Variants in CACNA1C observed in about 807,000 individuals in gnomAD.
CACNA1C encodes the protein calcium voltage-gated channel subunit alpha1 C.
In CACNA1C, 30 loss-of-function variants were observed where a neutral mutation model predicts 229.0. That is an observed-to-expected ratio of 0.13 (90% CI 0.10 to 0.18). The LOEUF is 0.18. CACNA1C is among the 10% of genes least tolerant of loss of function. The probability of loss-of-function intolerance (pLI) is 1.00; values close to 1 mark genes in which losing one functional copy is unlikely to be tolerated. For synonymous variants in CACNA1C, 1,114 were observed against 1,132.5 expected, an observed-to-expected ratio of 0.98 and a Z score of 0.33; for missense variants, 1,658 against 2,845.0, an observed-to-expected ratio of 0.58 and a Z score of 9.49.
intron 3 of CACNA1C, among the ~76,000 whole-genome samples, chr12:2,189,431 G>A (rs959237617): frequency 6.6e-6 from 1 of 152,196 alleles, no homozygotes; most frequent in Non-Finnish European, 1.5e-5. Context: ...AACCTTGCAC[G>A]CTGCGGGAGC....
rs1474150842 is a variant in CACNA1C, at chr12:2,595,967, T to C, written c.2757T>C (p.Ala919=). Residue 919 remains alanine (A), a synonymous_variant, in exon 20 of 47, where the codon GCT becomes GCC. Coordinates refer to ENST00000399655, the MANE Select transcript of CACNA1C (RefSeq NM_000719.7). The surrounding 1 kb of genome is among the most constrained non-coding windows in gnomAD (Gnocchi z 4.1). ...TGCTCAGCAGCATTTCCCTGGCTGC[T>C]GAGGACCCGGTCCAGCACACCTCCT... ...FILLSSISLA[A]EDPVQHTSFR... is the part of the protein sequence containing the mutation. 2.5e-6 allele frequency: 4 copies of C among 1,613,580 alleles called. No individual in the cohort carries two copies. Among genetic ancestry groups the C allele is most frequent in the African/African-American group, 1.3e-5 (1 of 74,916 alleles).
intron 4 of CACNA1C, among the ~76,000 whole-genome samples, chr12:2,453,672 C>T (rs1443228153): frequency 6.6e-6 from 1 of 152,158 alleles, no homozygotes; most frequent in Non-Finnish European, 1.5e-5. Flanking sequence ...TCTCACCACC[C>T]CGCTGCAGAA....
At chr12:2,004,017 C>T in intron 1 of CACNA1C, among the ~76,000 whole-genome samples, 1 of 152,142 alleles carries the variant, frequency 6.6e-6, no homozygotes. Flanking sequence ...CTTATGGTGC[C>T]GTACCCGATC....
At position 2,602,229 on chromosome 12, in the gene CACNA1C, G is replaced by A. The variant is rs538203345; in HGVS notation, c.2960+269G>A. On this transcript the variant is annotated intron_variant, in intron 22 of 46. Transcript: ENST00000399655. This position sits in a 1 kb window ranked among gnomAD's most constrained non-coding sequence, Gnocchi z 4.4. The stretch of plus-strand genomic sequence containing the variant: ...GGGCCAGGCTCAGCTATTAAGAAAC[G>A]GTTGTCTCCAGGACCTTCCTGCCTC... Among the ~76,000 whole-genome samples the A allele has an allele frequency of 5.5e-4, 83 of 152,276 alleles. No homozygotes were observed. The highest frequency in any genetic ancestry group is 8.5e-4 in the Admixed American group (13 of 15,304).
In CACNA1C at chr12:2,053,434, C is replaced by G; in HGVS notation, c.-129C>G. On this transcript the variant is annotated 5_prime_UTR_variant, in exon 1 of 47. Coordinates refer to ENST00000399655, the MANE Select transcript of CACNA1C (RefSeq NM_000719.7). This position sits in a 1 kb window ranked among gnomAD's most constrained non-coding sequence, Gnocchi z 5.8. The stretch of plus-strand genomic sequence containing the variant: ...GCGGGGAAGAAGAAACGCTGCAGAC[C>G]ACGGCTTCCTCGAATCTTGCGCGAA... The G allele has an allele frequency of 6.9e-7, 1 of 1,451,550 alleles. No individual in the cohort carries two copies. Among genetic ancestry groups the G allele is most frequent in the Non-Finnish European group, 9.1e-7 (1 of 1,094,400 alleles). 89.9% of individuals were successfully genotyped at this position (1,451,550 alleles called of 1,614,324 possible). A position where few individuals can be genotyped will look rare whatever the true frequency, so the allele number is the denominator to read the frequency against.
chr12:2,574,469 CCT>C (rs2057618773), intron 13 of CACNA1C, among the ~76,000 whole-genome samples: 1 of 152,156 alleles, frequency 6.6e-6, no homozygotes, highest in South Asian at 2.1e-4. Flanking sequence ...TGCTGTTTCC[CCT>C]CTCACACCTT....
intron 29 of CACNA1C, among the ~76,000 whole-genome samples, chr12:2,622,276 G>A (rs1454285938): frequency 6.6e-6 from 1 of 152,214 alleles, no homozygotes; most frequent in Non-Finnish European, 1.5e-5. Flanking sequence ...AGGCCAGTGT[G>A]TGCAGGCCCT....
At chr12:2,374,912 A>G (rs979903195) in intron 3 of CACNA1C, among the ~76,000 whole-genome samples, 2 of 152,168 alleles carry the variant, frequency 1.3e-5, no homozygotes, top group African/African-American at 4.8e-5. Context: ...GTGGCTTCAC[A>G]TCGGGATCTG....
rs374605534 is a variant in CACNA1C, at chr12:2,403,203, G to C, written c.478-45773G>C. ...AACAGCCTTCATTCTTTTCCAACTA[G>C]TGTCTCGCTGCCCTGCCCCAAAATC... On this transcript the variant is annotated intron_variant, in intron 3 of 46. Coordinates refer to ENST00000399655, the MANE Select transcript of CACNA1C (RefSeq NM_000719.7). This position sits in a 1 kb window ranked among gnomAD's most constrained non-coding sequence, Gnocchi z 4.1. 5.6e-4 allele frequency among the ~76,000 whole-genome samples: 86 copies of C among 152,322 alleles called. No individual in the cohort carries two copies. In the South Asian group the frequency reaches 0.017, roughly 31 times the overall value.
At chr12:2,532,089 TACTC>T (rs975138417) in intron 9 of CACNA1C, among the ~76,000 whole-genome samples, 6 of 152,206 alleles carry the variant, frequency 3.9e-5, no homozygotes, top group African/African-American at 1.4e-4. Context: ...CATGGTTAAT[TACTC>T]ACACTAATTG....
chr12:2,212,838 C>T (rs1204171387), intron 3 of CACNA1C, among the ~76,000 whole-genome samples: 1 of 152,066 alleles, frequency 6.6e-6, no homozygotes, highest in African/African-American at 2.4e-5. Context: ...GAGGGATGGA[C>T]AAAGGAAGCA....
Position 2,605,555 on chromosome 12 carries a change from T to C in CACNA1C, c.3049-124T>C. The C allele has an allele frequency of 1.4e-6, 1 of 719,300 alleles. No individual in the cohort carries two copies. The highest frequency in any genetic ancestry group is 1.5e-5 in the South Asian group (1 of 66,214). 44.6% of individuals were successfully genotyped at this position (719,300 alleles called of 1,614,324 possible). On this transcript the variant is annotated intron_variant, in intron 23 of 46. Coordinates refer to ENST00000399655, the MANE Select transcript of CACNA1C (RefSeq NM_000719.7). The surrounding 1 kb of genome is among the most constrained non-coding windows in gnomAD (Gnocchi z 6.2). ...CACTTCCCATGTGACTTTGGGAGCG[T>C]GGCTTTGCCCCTCTCAGCCCAATTA...
At chr12:2,631,116 CT>C (rs1181704602) in intron 29 of CACNA1C, among the ~76,000 whole-genome samples, 11 of 152,186 alleles carry the variant, frequency 7.2e-5, no homozygotes, top group Admixed American at 4.6e-4. Flanking sequence ...AACACCAAAC[CT>C]TTGCTCTGTT....
At chr12:2,406,519 C>T (rs561359586) in intron 3 of CACNA1C, among the ~76,000 whole-genome samples, 8 of 152,242 alleles carry the variant, frequency 5.3e-5, no homozygotes, top group East Asian at 1.9e-4. Context: ...TTCCTTCCTT[C>T]GTTGTCTATA....
chr12:2,110,233 G>A (rs2081128076), intron 1 of CACNA1C, among the ~76,000 whole-genome samples: 1 of 152,212 alleles, frequency 6.6e-6, no homozygotes, highest in Non-Finnish European at 1.5e-5. Context: ...CCTCATCCTG[G>A]TCCCCAGCAG....
Position 2,606,803 on chromosome 12 carries a change from G to A in CACNA1C, c.3209+140G>A, listed in dbSNP as rs191549238. 24 of 940,474 alleles carry A rather than the reference G, an allele frequency of 2.6e-5. No homozygotes were observed. In the East Asian group the frequency reaches 4.5e-4, roughly 18 times the overall value. 58.3% of individuals were successfully genotyped at this position (940,474 alleles called of 1,614,324 possible). ...CTGCCTGTGTGTCATCTGGCCTCAC[G>A]GACACAATGTGTAGCATTTTTTGTT... On this transcript the variant is annotated intron_variant, in intron 25 of 46. Transcript: ENST00000399655.
At chr12:2,276,831 C>T (rs534062120) in intron 3 of CACNA1C, among the ~76,000 whole-genome samples, 16 of 151,988 alleles carry the variant, frequency 1.1e-4, no homozygotes, top group East Asian at 3.9e-4. Flanking sequence ...GGTGGGGTAG[C>T]GGGGTAGGGT....
intron 10 of CACNA1C, 132 bp downstream of exon 10, chr12:2,550,165 ACCTCAGGTGGGAAC>A (rs760080463): frequency 1.1e-5 from 8 of 725,168 alleles, no homozygotes; most frequent in Middle Eastern, 3.1e-4. Context: ...CAAGAAACAA[ACCTCAGGTGGGAAC>A]CAAGATGGGG....
Position 2,687,280 on chromosome 12 carries a change from C to T in CACNA1C, c.5784+1011C>T, listed in dbSNP as rs540363198. Among the ~76,000 whole-genome samples the T allele has an allele frequency of 4.6e-5, 7 of 152,320 alleles. No homozygotes were observed. The East Asian group carries it at 9.6e-4, about 21-fold the overall frequency. ...GCTATCTTAAAAGATTTCTAGAAGT[C>T]GATTTCACCTATCTGTTCTTGTCGT... On this transcript the variant is annotated intron_variant, in intron 45 of 46. Coordinates refer to ENST00000399655, the MANE Select transcript of CACNA1C (RefSeq NM_000719.7).
Sources: gnomAD v4.1 joint callset for allele counts (sites outside exome capture counted in the v4.1 genomes callset) on GRCh38, gnomAD v4.1.1 for gene constraint, Gnocchi (gnomAD v3.1) non-coding constraint, MANE v1.5 for transcripts, NCBI Gene and HGNC (gene_info 2026-07-23, HGNC 2026-07-21) for gene names.